Variants in KIF13B observed in about 807,000 individuals in gnomAD.
KIF13B encodes the protein kinesin-like protein KIF13B.
A neutral mutation model predicts 222.0 loss-of-function variants in KIF13B; 127 were observed. The ratio of observed to expected loss-of-function variants is 0.57; its 90% CI spans 0.50 to 0.66. The LOEUF is 0.66. Ranked by LOEUF, KIF13B falls within the 30% of genes least tolerant of loss-of-function variation. KIF13B has a pLI of 0.00. For missense variants in KIF13B, 2,173 were observed against 2,379.0 expected (o/e 0.91, Z 1.80); for synonymous variants, 976 against 919.0 (o/e 1.06, Z -1.12).
intron 26 of KIF13B, among the ~76,000 whole-genome samples, chr8:29,125,977 G>A (rs570466515): frequency 1.6e-4 from 24 of 151,956 alleles, no homozygotes; most frequent in African/African-American, 4.6e-4. Flanking sequence ...GCATGGTGGC[G>A]TGCACCTGTA....
At chr8:29,134,831 C>T (rs1810488526) in intron 21 of KIF13B, among the ~76,000 whole-genome samples, 1 of 152,092 alleles carries the variant, frequency 6.6e-6, no homozygotes, top group Admixed American at 6.5e-5. Flanking sequence ...TGAATGATGA[C>T]CATTTTCTGC....
At chr8:29,081,049 A>T (rs1017377023) in intron 37 of KIF13B, among the ~76,000 whole-genome samples, 1 of 152,210 alleles carries the variant, frequency 6.6e-6, no homozygotes, top group Non-Finnish European at 1.5e-5. Flanking sequence ...TGCAGCAGAC[A>T]GGGAAACGCT....
rs71222598 is a variant in KIF13B, at chr8:29,197,336, C to CAAAAA, written c.150-1142_150-1138dup. 9.9e-4 allele frequency among the ~76,000 whole-genome samples: 57 copies of CAAAAA among 57,764 alleles called. 1 individual carries two copies. The highest frequency in any genetic ancestry group is 4.0e-3 in the African/African-American group (55 of 13,872). 37.9% of individuals were successfully genotyped at this position (57,764 alleles called of 152,430 possible). On this transcript the variant is annotated intron_variant, in intron 2 of 39. Coordinates refer to ENST00000524189, the MANE Select transcript of KIF13B (RefSeq NM_015254.4). ...TGGGCGACAGAGCGAGACTCCGTCT[C>CAAAAA]AAAAAAAAAAAAAAAAAAAAAAAAA... is the stretch of plus-strand genomic sequence containing the variant.
chr8:29,073,712 T>C (rs543345576), intron 38 of KIF13B, among the ~76,000 whole-genome samples: 31 of 152,344 alleles, frequency 2.0e-4, no homozygotes, highest in Middle Eastern at 6.8e-3. Context: ...TTACAGTTAC[T>C]TGGCTTACCT....
chr8:29,206,516 T>C lies in KIF13B; in HGVS notation c.150-10317A>G, dbSNP rs765243913. Among the ~76,000 whole-genome samples, 40 of 152,318 alleles carry C rather than the reference T, an allele frequency of 2.6e-4. No individual in the cohort carries two copies. The Middle Eastern group carries it at 0.01, about 39-fold the overall frequency. On this transcript the variant is annotated intron_variant, in intron 2 of 39. Transcript: ENST00000524189. ...TTTCCAAAAGTTTCACGACTACCTA[T>C]TTCACTACTCACAAGGGAAAAAACA... is the stretch of plus-strand genomic sequence containing the variant.
At position 29,118,869 on chromosome 8, in the gene KIF13B, T is replaced by C; in HGVS notation, c.3659A>G (p.Glu1220Gly). The C allele has an allele frequency of 6.2e-7, 1 of 1,613,690 alleles. No homozygotes were observed. Among genetic ancestry groups the C allele is most frequent in the Non-Finnish European group, 8.5e-7 (1 of 1,179,760 alleles). ...ELQIVKQHDG[E>G]VKAEASWDSA... ...CATCCCAAGTTAGGCTTTCCTTACC[T>C]CCCCATCATGCTGCTTCACAATCTG... Residue 1220 changes from glutamate to glycine, a missense_variant and splice_region_variant, in exon 30 of 40, where the codon GAG becomes GGG. Glu to Gly is a moderately conservative substitution (Grantham distance 98). Around this residue, in one of 2 missense-constraint regions of KIF13B, gnomAD observed 1,480 missense variants for 1,722.8 expected, o/e 0.86. Transcript: ENST00000524189.
intron 2 of KIF13B, among the ~76,000 whole-genome samples, chr8:29,229,427 T>G (rs924528700): frequency 6.6e-6 from 1 of 152,184 alleles, no homozygotes; most frequent in Non-Finnish European, 1.5e-5. Context: ...AATGTTGAGA[T>G]AACAATGTGA....
At chr8:29,107,315 G>A (rs1389600042) in intron 35 of KIF13B, among the ~76,000 whole-genome samples, 1 of 151,962 alleles carries the variant, frequency 6.6e-6, no homozygotes, top group East Asian at 1.9e-4. Flanking sequence ...ATTACCTGCG[G>A]TCTGGAGTTT....
chr8:29,180,554 A>G (rs917850079), intron 7 of KIF13B, among the ~76,000 whole-genome samples: 3 of 152,164 alleles, frequency 2.0e-5, no homozygotes, highest in Non-Finnish European at 4.4e-5. Flanking sequence ...ATTTGAAAAA[A>G]CGTAGTTTCT....
chr8:29,184,320 T>TA lies in KIF13B; in HGVS notation c.497+1971dup, dbSNP rs541095428. Reference sequence around the variant, plus strand: ...CCATTTACTTTGAATCTTCAGAAACTAAAAAAAAAAAATTTCCAAGAAATT... The same window carrying TA: ...CCATTTACTTTGAATCTTCAGAAACTAAAAAAAAAAAAATTTCCAAGAAATT... On this transcript the variant is annotated intron_variant, in intron 6 of 39. Transcript: ENST00000524189. Among the ~76,000 whole-genome samples, 556 of 145,564 alleles carry TA rather than the reference T, an allele frequency of 3.8e-3. 2 individuals are homozygous for TA. The highest frequency in any genetic ancestry group is 7.2e-3 in the Middle Eastern group (2 of 278).
intron 10 of KIF13B, among the ~76,000 whole-genome samples, chr8:29,169,216 T>C (rs1563757113): frequency 6.6e-6 from 1 of 152,250 alleles, no homozygotes; most frequent in Admixed American, 6.5e-5. Context: ...CTCCACCTTT[T>C]GTGAGTTCGA....
chr8:29,247,833 C>CAAAAAA (rs57720312), intron 1 of KIF13B, among the ~76,000 whole-genome samples: 3 of 54,398 alleles, frequency 5.5e-5, no homozygotes, highest in Middle Eastern at 0.016. Flanking sequence ...GACCCTGTCT[C>CAAAAAA]AAAAAAAAAA....
chr8:29,190,218 A>T (rs1252223871), intron 4 of KIF13B: 1 of 152,260 alleles, frequency 6.6e-6, no homozygotes, highest in African/African-American at 2.4e-5. Flanking sequence ...TCCTAAAGGA[A>T]GGAATGCTAC....
chr8:29,074,053 C>T (rs898850416), intron 38 of KIF13B, among the ~76,000 whole-genome samples: 8 of 152,108 alleles, frequency 5.3e-5, no homozygotes, highest in Non-Finnish European at 7.3e-5. Context: ...CTATGAGAGC[C>T]GGGAATCTGA....
chr8:29,130,418 G>T, intron 24 of KIF13B, 115 bp downstream of exon 24: 2 of 1,106,268 alleles, frequency 1.8e-6, no homozygotes, highest in Non-Finnish European at 2.7e-6. Context: ...TTTAATGTAA[G>T]AAATGGACTT....
chr8:29,199,081 A>ATTTTTTTTTTTTTTTTTTTT (rs1435870446), intron 2 of KIF13B, among the ~76,000 whole-genome samples: 30 of 151,586 alleles, frequency 2.0e-4, no homozygotes, highest in African/African-American at 3.7e-4. Context: ...AAAAAAATAA[A>ATTTTTTTTTTTTTTTTTTTT]ATTTTTTAAA....
At chr8:29,152,492 A>G (rs1811341489) in intron 14 of KIF13B, among the ~76,000 whole-genome samples, 1 of 152,212 alleles carries the variant, frequency 6.6e-6, no homozygotes, top group African/African-American at 2.4e-5. Context: ...CCCAACCTTC[A>G]GCAAAACTAC....
chr8:29,161,662 C>T (rs996955252), intron 12 of KIF13B, among the ~76,000 whole-genome samples: 3 of 151,682 alleles, frequency 2.0e-5, no homozygotes, highest in African/African-American at 4.8e-5. Context: ...TGCCATTGTA[C>T]TCCAGCCTGG....
At chr8:29,114,678 G>A (rs1294189026) in intron 31 of KIF13B, among the ~76,000 whole-genome samples, 1 of 152,134 alleles carries the variant, frequency 6.6e-6, no homozygotes. Flanking sequence ...CTGAAATTGA[G>A]AGAGAAAATG....
Sources: gnomAD v4.1 joint callset for allele counts (sites outside exome capture counted in the v4.1 genomes callset) on GRCh38, gnomAD v4.1.1 for gene constraint, gnomAD v4.1.1 regional missense constraint, MANE v1.5 for transcripts, NCBI Gene and HGNC (gene_info 2026-07-23, HGNC 2026-07-21) for gene names.